The following CCDC192 variants were observed in gnomAD, a reference collection of about 807,000 sequenced individuals.
The protein encoded by CCDC192 is coiled-coil domain containing 192, also known as coiled-coil domain-containing protein 192.
chr5:127,780,823 TTTAA>T (rs1434022307), intron 3 of CCDC192, among the ~76,000 whole-genome samples: 6 of 152,248 alleles, frequency 3.9e-5, no homozygotes, highest in African/African-American at 1.4e-4. Context: ...AGCTCTTTAG[TTTAA>T]TTAAGTCCCA....
chr5:127,758,803 T>C (rs984384191), intron 3 of CCDC192, among the ~76,000 whole-genome samples: 1 of 152,202 alleles, frequency 6.6e-6, no homozygotes, highest in African/African-American at 2.4e-5. Flanking sequence ...GTGTGCTGGC[T>C]TCTATCACCA....
chr5:127,843,479 C>T (rs1308259656), intron 5 of CCDC192, among the ~76,000 whole-genome samples: 1 of 151,116 alleles, frequency 6.6e-6, no homozygotes, highest in African/African-American at 2.4e-5. Context: ...GCTCAGTCGC[C>T]CAGGCTGGAG....
chr5:127,753,104 G>A (rs1754327316), intron 2 of CCDC192, among the ~76,000 whole-genome samples: 1 of 152,192 alleles, frequency 6.6e-6, no homozygotes, highest in African/African-American at 2.4e-5. Context: ...CTGTGGACCG[G>A]AGCTGTTCCT....
intron 2 of CCDC192, among the ~76,000 whole-genome samples, chr5:127,747,420 T>C (rs1338869127): frequency 6.6e-6 from 1 of 152,152 alleles, no homozygotes; most frequent in Non-Finnish European, 1.5e-5. Context: ...TCCATGTCCC[T>C]ACAAAGGACA....
At chr5:127,717,928 C>CAAAACAAAA (rs1751718610) in intron 2 of CCDC192, among the ~76,000 whole-genome samples, 1 of 98,074 alleles carries the variant, frequency 1.0e-5, no homozygotes, top group African/African-American at 3.9e-5. Context: ...TAAAGCTAGA[C>CAAAACAAAA]AAAAAAAAAA....
chr5:127,914,683 T>C (rs574317251), intron 6 of CCDC192, among the ~76,000 whole-genome samples: 12 of 152,328 alleles, frequency 7.9e-5, no homozygotes, highest in African/African-American at 2.9e-4. Flanking sequence ...TGCTTGGAGA[T>C]AGGGTACAGT....
chr5:127,922,636 G>T (rs1706290724), intron 6 of CCDC192, among the ~76,000 whole-genome samples: 1 of 152,218 alleles, frequency 6.6e-6, no homozygotes, highest in Admixed American at 6.5e-5. Context: ...AGCTACCCAG[G>T]AGGCTGAAGT....
intron 5 of CCDC192, among the ~76,000 whole-genome samples, chr5:127,842,884 TC>T (rs1398872078): frequency 6.6e-6 from 1 of 152,174 alleles, no homozygotes; most frequent in African/African-American, 2.4e-5. Flanking sequence ...TGTCACAACT[TC>T]CACTATACAG....
At chr5:127,863,237 A>C (rs1751448260) in intron 5 of CCDC192, among the ~76,000 whole-genome samples, 1 of 152,242 alleles carries the variant, frequency 6.6e-6, no homozygotes, top group South Asian at 2.1e-4. Flanking sequence ...CTGCACAGTA[A>C]CCAAGGGCTG....
intron 3 of CCDC192, among the ~76,000 whole-genome samples, chr5:127,756,063 G>T (rs1168088362): frequency 1.3e-5 from 2 of 151,976 alleles, no homozygotes; most frequent in Non-Finnish European, 2.9e-5. Context: ...AACCCGGGAG[G>T]CGGAGCTTGC....
At chr5:127,856,224 T>C (rs959728279) in intron 5 of CCDC192, among the ~76,000 whole-genome samples, 3 of 152,224 alleles carry the variant, frequency 2.0e-5, no homozygotes, top group African/African-American at 4.8e-5. Flanking sequence ...CAATTGCTGC[T>C]TCACCTTACA....
At chr5:127,767,558 C>G (rs904985373) in intron 3 of CCDC192, among the ~76,000 whole-genome samples, 9 of 152,180 alleles carry the variant, frequency 5.9e-5, no homozygotes, top group African/African-American at 2.2e-4. Context: ...TGACCTTTAC[C>G]TTTAATGATT....
At chr5:127,930,954 T>G (rs1198267373) in intron 6 of CCDC192, among the ~76,000 whole-genome samples, 1 of 152,224 alleles carries the variant, frequency 6.6e-6, no homozygotes, top group Non-Finnish European at 1.5e-5. Flanking sequence ...CTGCCAGCCT[T>G]TCCTGTGCTA....
At chr5:127,868,034 C>A (rs1326032818) in intron 5 of CCDC192, among the ~76,000 whole-genome samples, 2 of 137,300 alleles carry the variant, frequency 1.5e-5, no homozygotes, top group Non-Finnish European at 3.1e-5. Context: ...TTCAAGTTGG[C>A]GAGATCTTAG....
chr5:127,758,240 A>C (rs1754722981), intron 3 of CCDC192, among the ~76,000 whole-genome samples: 1 of 152,136 alleles, frequency 6.6e-6, no homozygotes, highest in African/African-American at 2.4e-5. Context: ...ATTTGTGCAA[A>C]CTGGGCATTT....
intron 2 of CCDC192, among the ~76,000 whole-genome samples, chr5:127,742,778 C>G (rs1232668921): frequency 1.3e-5 from 2 of 152,104 alleles, no homozygotes; most frequent in Non-Finnish European, 2.9e-5. Flanking sequence ...ATTATAATCT[C>G]AGAATAAATG....
At chr5:127,856,608 A>T (rs1415415080) in intron 5 of CCDC192, among the ~76,000 whole-genome samples, 1 of 152,218 alleles carries the variant, frequency 6.6e-6, no homozygotes, top group African/African-American at 2.4e-5. Flanking sequence ...ACTAAGCTTA[A>T]TCATTTCTGG....
At chr5:127,723,085 G>A (rs990299243) in intron 2 of CCDC192, among the ~76,000 whole-genome samples, 9 of 152,144 alleles carry the variant, frequency 5.9e-5, no homozygotes, top group African/African-American at 2.2e-4. Context: ...TCCAGACCAT[G>A]AACATGGAAT....
chr5:127,812,168 A>G (rs1039041678), intron 5 of CCDC192, among the ~76,000 whole-genome samples: 2 of 152,218 alleles, frequency 1.3e-5, no homozygotes, highest in African/African-American at 4.8e-5. Flanking sequence ...ACTGGTACCT[A>G]CAACACAATC....
Sources: gnomAD v4.1 joint callset for allele counts (sites outside exome capture counted in the v4.1 genomes callset) on GRCh38, gnomAD v4.1.1 for gene constraint, MANE v1.5 for transcripts, NCBI Gene and HGNC (gene_info 2026-07-23, HGNC 2026-07-21) for gene names.